FGGY: variants seen among roughly 807,000 people sequenced by gnomAD.
The protein encoded by FGGY is FGGY carbohydrate kinase domain-containing protein.
In FGGY, 72 loss-of-function variants were observed where a neutral mutation model predicts 71.3. The ratio of observed to expected loss-of-function variants is 1.01; its 90% confidence interval spans 0.84 to 1.23. FGGY has a LOEUF of 1.23. Ranked by LOEUF, FGGY falls within the 50% of genes most tolerant of loss-of-function variation. The pLI is 0.00. For missense variants in FGGY, 668 were observed against 682.3 expected, an observed-to-expected ratio of 0.98 and a Z score of 0.23; for synonymous variants, 251 against 250.3, an observed-to-expected ratio of 1.00 and a Z score of -0.02.
intron 1 of FGGY, among the ~76,000 whole-genome samples, chr1:59,300,480 T>A (rs2042593528): frequency 6.6e-6 from 1 of 152,228 alleles, no homozygotes; most frequent in South Asian, 2.1e-4. Context: ...TTTGATGAAG[T>A]CTAATTTATA....
chr1:59,426,858 GAAAAAA>G (rs34668849), intron 5 of FGGY, among the ~76,000 whole-genome samples: 31,249 of 135,216 alleles, frequency 0.23, 3,220 homozygotes, highest in African/African-American at 0.27. Context: ...GATTAACACT[GAAAAAA>G]AAAAAAAAAC....
rs557486851 is a variant in FGGY at position 59,580,460 on chromosome 1, A to T, written c.903+26233A>T. On this transcript the variant is annotated intron_variant, in intron 8 of 15. Coordinates refer to ENST00000303721, the MANE Select transcript of FGGY (RefSeq NM_018291.5). Reference sequence around the variant, plus strand: ...GCATCCTCTCAGACTCCAGTTTCATACAACCTCCTCTGTGACACCGCGTGA... The same window carrying T: ...GCATCCTCTCAGACTCCAGTTTCATTCAACCTCCTCTGTGACACCGCGTGA... Among the ~76,000 whole-genome samples, 10 of 152,226 alleles carry T rather than the reference A, an allele frequency of 6.6e-5. No homozygotes were observed. In the South Asian group the frequency reaches 1.9e-3, roughly 28 times the overall value.
intron 1 of FGGY, among the ~76,000 whole-genome samples, chr1:59,305,412 A>T (rs530068751): frequency 1.3e-5 from 2 of 152,246 alleles, no homozygotes; most frequent in South Asian, 4.1e-4. Flanking sequence ...TACTTACTTG[A>T]TCATGGTGAA....
At chr1:59,340,317 G>A (rs2050411680) in intron 3 of FGGY, among the ~76,000 whole-genome samples, 1 of 152,204 alleles carries the variant, frequency 6.6e-6, no homozygotes, top group South Asian at 2.1e-4. Context: ...GCAGAGCTTG[G>A]TAAAGGAAGG....
chr1:59,604,523 G>A (rs1373627090), intron 8 of FGGY, among the ~76,000 whole-genome samples: 5 of 152,210 alleles, frequency 3.3e-5, no homozygotes, highest in Non-Finnish European at 7.3e-5. Flanking sequence ...TTTCTGAGCA[G>A]CAAAGCAGCA....
In FGGY at chr1:59,660,817, A is replaced by T. The variant is rs374172327; in HGVS notation, c.1296+524A>T. Reference sequence around the variant, plus strand: ...AATGTTAGGAGTTTCTACACTAAAGATAAATCAAAAATGGAAATGAAATCC... The same window carrying T: ...AATGTTAGGAGTTTCTACACTAAAGTTAAATCAAAAATGGAAATGAAATCC... On this transcript the variant is annotated intron_variant, in intron 12 of 15. Coordinates refer to ENST00000303721, the MANE Select transcript of FGGY (RefSeq NM_018291.5). Among the ~76,000 whole-genome samples the T allele has an allele frequency of 1.4e-4, 22 of 152,364 alleles. 1 individual carries two copies. Among genetic ancestry groups the T allele is most frequent in the African/African-American group, 5.3e-4 (22 of 41,588 alleles).
Position 59,512,322 on chromosome 1 carries a change from C to G in FGGY, c.682C>G (p.Leu228Val), listed in dbSNP as rs1431039177. ...DNYSKIGNQVLPPGASLGNGL... is the reference protein window; with the variant it reads ...DNYSKIGNQVVPPGASLGNGL... The stretch of plus-strand genomic sequence containing the variant: ...TCATGTCTACCCAGGAAACCAAGTG[C>G]TACCTCCTGGAGCTTCTCTTGGAAA... Residue 228 changes from leucine (L) to valine (V), a missense_variant, in exon 7 of 16, where the codon CTA (leucine) becomes GTA (valine). Transcript: ENST00000303721. 3 of 1,609,620 alleles carry G rather than the reference C, an allele frequency of 1.9e-6. No homozygotes were observed. The highest frequency in any genetic ancestry group is 4.5e-5 in the East Asian group (2 of 44,670).
chr1:59,638,261 C>A lies in FGGY; in HGVS notation c.1107C>A (p.His369Gln). The change falls in exon 11 of 16, where the codon CAC becomes CAA. Residue 369 changes from histidine (H) to glutamine (Q), a missense_variant. By Grantham distance (24) the His-to-Gln change is conservative. Around this residue, in one of 2 missense-constraint regions of FGGY, gnomAD observed 661 missense variants for 661.6 expected, o/e 1.00. Transcript: ENST00000303721. ...CQSIYAYLNS[H>Q]LDLIKKAQPV... Reference sequence around the variant, plus strand: ...GTATATATGCATATTTGAACAGTCACCTGGATCTGATTAAGAAGGCTCAGC... The same window carrying A: ...GTATATATGCATATTTGAACAGTCAACTGGATCTGATTAAGAAGGCTCAGC... The A allele has an allele frequency of 6.2e-7, 1 of 1,614,210 alleles. No individual in the cohort carries two copies. Among genetic ancestry groups the A allele is most frequent in the African/African-American group, 1.3e-5 (1 of 75,064 alleles).
At chr1:59,341,594 T>C (rs970943405) in intron 3 of FGGY, among the ~76,000 whole-genome samples, 25 of 152,302 alleles carry the variant, frequency 1.6e-4, no homozygotes, top group African/African-American at 5.5e-4. Flanking sequence ...TGCTGGGGCT[T>C]CAAAGATAAA....
At chr1:59,455,570 A>G (rs1294156392) in intron 5 of FGGY, among the ~76,000 whole-genome samples, 1 of 152,212 alleles carries the variant, frequency 6.6e-6, no homozygotes, top group Non-Finnish European at 1.5e-5. Flanking sequence ...GAGCGTAGCA[A>G]TTGAAGGATC....
intron 4 of FGGY, among the ~76,000 whole-genome samples, chr1:59,361,678 A>G (rs1377428687): frequency 6.6e-6 from 1 of 152,154 alleles, no homozygotes; most frequent in East Asian, 1.9e-4. Context: ...AGTTCACCCT[A>G]GCCACAATCA....
intron 8 of FGGY, among the ~76,000 whole-genome samples, chr1:59,574,350 T>TA (rs2096042285): frequency 2.0e-5 from 3 of 152,216 alleles, no homozygotes; most frequent in Non-Finnish European, 4.4e-5. Context: ...CCCTGTCTCT[T>TA]ACAAGAACAG....
At chr1:59,578,039 G>A (rs376259667) in intron 8 of FGGY, among the ~76,000 whole-genome samples, 9 of 152,098 alleles carry the variant, frequency 5.9e-5, no homozygotes, top group South Asian at 2.1e-4. Flanking sequence ...TGTGCTAAAC[G>A]TCACCCTGAG....
intron 14 of FGGY, among the ~76,000 whole-genome samples, chr1:59,736,893 A>T (rs984380430): frequency 6.6e-6 from 1 of 152,238 alleles, no homozygotes; most frequent in African/African-American, 2.4e-5. Context: ...AGAGGTCTTC[A>T]TGGCAGCTCC....
chr1:59,403,655 A>T (rs1557814500), intron 5 of FGGY, among the ~76,000 whole-genome samples: 2 of 152,216 alleles, frequency 1.3e-5, no homozygotes, highest in South Asian at 4.1e-4. Flanking sequence ...ACCTTGGTGC[A>T]TCCACAAAGC....
chr1:59,583,050 G>A lies in FGGY; in HGVS notation c.904-24753G>A, dbSNP rs1282413150. ...TGAGCTTCACCAGGAACATCAGTAGGAAGATCTGGCACAGGCTATGTGGAG... is the reference window on the plus strand; with the variant it reads ...TGAGCTTCACCAGGAACATCAGTAGAAAGATCTGGCACAGGCTATGTGGAG... On this transcript the variant is annotated intron_variant, in intron 8 of 15. Coordinates refer to ENST00000303721, the MANE Select transcript of FGGY (RefSeq NM_018291.5). Among the ~76,000 whole-genome samples the A allele has an allele frequency of 2.5e-5, 3 of 118,606 alleles. 1 individual carries two copies. In the East Asian group the frequency reaches 7.9e-4, roughly 31 times the overall value. The allele number at this position is 118,606 out of a possible 152,430, so 77.8% of individuals were successfully genotyped here. A position where few individuals can be genotyped will look rare whatever the true frequency, so the allele number is the denominator to read the frequency against.
chr1:59,753,146 G>A (rs1049353388), intron 14 of FGGY, among the ~76,000 whole-genome samples: 1 of 152,022 alleles, frequency 6.6e-6, no homozygotes. Flanking sequence ...GAATTTGGAG[G>A]CCAACTTCAA....
At chr1:59,506,177 C>T (rs562653746) in intron 6 of FGGY, among the ~76,000 whole-genome samples, 1 of 152,102 alleles carries the variant, frequency 6.6e-6, no homozygotes, top group African/African-American at 2.4e-5. Flanking sequence ...GTTTTTATTT[C>T]AACGTAAGAT....
At chr1:59,491,116 CTCCT>C (rs74185346) in intron 6 of FGGY, among the ~76,000 whole-genome samples, 32 of 52,562 alleles carry the variant, frequency 6.1e-4, no homozygotes, top group Admixed American at 9.2e-4. Context: ...CCCTCCTTCC[CTCCT>C]TCCTTCCTTC....
Sources: allele counts gnomAD v4.1 joint callset (sites outside exome capture counted in the v4.1 genomes callset), GRCh38; gene constraint gnomAD v4.1.1; regional missense constraint gnomAD v4.1.1; transcripts MANE v1.5; gene names NCBI Gene and HGNC (gene_info 2026-07-23, HGNC 2026-07-21).